Variants in DNAH3 observed in about 807,000 individuals in gnomAD.
The protein encoded by DNAH3 is dynein axonemal heavy chain 3.
A neutral mutation model predicts 432.5 loss-of-function variants in DNAH3; 332 were observed. The observed-to-expected ratio is 0.77, with a 90% CI of 0.70 to 0.84. The LOEUF (loss-of-function observed/expected upper bound fraction) is 0.84. Ranked by LOEUF, DNAH3 falls within the 40% of genes least tolerant of loss-of-function variation. The pLI is 0.00. For missense variants in DNAH3, 4,861 were observed against 5,114.0 expected, an observed-to-expected ratio of 0.95 and a Z score of 1.51; for synonymous variants, 1,956 against 1,900.2, an observed-to-expected ratio of 1.03 and a Z score of -0.76.
At chr16:20,952,487 T>A (rs747008999) in exon 56 of DNAH3, 1 of 1,613,636 alleles carries the variant, frequency 6.2e-7, no homozygotes, top group South Asian at 1.1e-5. Flanking sequence ...TTGAGAAACA[T>A]CTGGATCTGC....
chr16:21,054,454 G>A (rs1357766621), exon 28 of DNAH3: 1 of 1,614,198 alleles, frequency 6.2e-7, no homozygotes, highest in Non-Finnish European at 8.5e-7. Context: ...CCCCGAGAGT[G>A]AGTCGAGCTC....
At chr16:20,941,405 T>G (rs1353662103) in exon 59 of DNAH3, 1 of 1,613,976 alleles carries the variant, frequency 6.2e-7, no homozygotes, top group South Asian at 1.1e-5. Flanking sequence ...GCCCACCTGT[T>G]GAATCTGATG....
intron 1 of DNAH3, 51 bp from the exon 3 acceptor site, chr16:21,146,139 A>G (rs1458888959): frequency 7.4e-7 from 1 of 1,351,750 alleles, no homozygotes; most frequent in Admixed American, 1.7e-5. Flanking sequence ...GAAGATTTGC[A>G]AGCCTCTGAG....
intron 12 of DNAH3, among the ~76,000 whole-genome samples, chr16:21,114,031 G>A (rs2092131923): frequency 6.6e-6 from 1 of 151,928 alleles, no homozygotes; most frequent in Non-Finnish European, 1.5e-5. Context: ...TTATAAATTA[G>A]GCACAGCAAA....
At chr16:20,988,441 G>A (rs988631814) in intron 44 of DNAH3, among the ~76,000 whole-genome samples, 2 of 152,032 alleles carry the variant, frequency 1.3e-5, no homozygotes, top group African/African-American at 4.8e-5. Flanking sequence ...TTGAGATGGA[G>A]TTCCCCTCTG....
chr16:21,034,443 G>C (rs1287638222), intron 35 of DNAH3, among the ~76,000 whole-genome samples: 4 of 152,208 alleles, frequency 2.6e-5, no homozygotes, highest in Non-Finnish European at 5.9e-5. Context: ...AAGTTCATCA[G>C]TGATGGAGCC....
intron 54 of DNAH3, among the ~76,000 whole-genome samples, chr16:20,958,446 G>A (rs535633474): frequency 4.6e-5 from 7 of 151,990 alleles, no homozygotes; most frequent in Non-Finnish European, 1.0e-4. Context: ...TTCCAGCTAC[G>A]TCTCCTATTA....
At chr16:20,960,636 C>T (rs1047606361) in intron 53 of DNAH3, among the ~76,000 whole-genome samples, 36 of 152,184 alleles carry the variant, frequency 2.4e-4, no homozygotes, top group Middle Eastern at 3.4e-3. Context: ...TGGGAAGAGG[C>T]GGAGGTTGCA....
chr16:21,036,730 A>G (rs750015483), exon 35 of DNAH3: 1 of 1,614,036 alleles, frequency 6.2e-7, no homozygotes, highest in Admixed American at 1.7e-5. Context: ...AATTTTCCCT[A>G]TAAACCAAGG....
In DNAH3 at chr16:21,013,478, T is replaced by C. The variant is rs1475871990; in HGVS notation, c.6022+6146A>G. Reference sequence around the variant, plus strand: ...GCTCACACCTGTAATTCCAGCACTTTGGGAGGCCAAAGCAGGCAGATCACC... The same window carrying C: ...GCTCACACCTGTAATTCCAGCACTTCGGGAGGCCAAAGCAGGCAGATCACC... On this transcript the variant is annotated intron_variant, in intron 41 of 61. Coordinates refer to ENST00000261383, the Ensembl canonical transcript of DNAH3. Among the ~76,000 whole-genome samples, 5 of 152,236 alleles carry C rather than the reference T, an allele frequency of 3.3e-5. No homozygotes were observed. In the East Asian group the frequency reaches 9.7e-4, roughly 29 times the overall value.
intron 12 of DNAH3, among the ~76,000 whole-genome samples, chr16:21,114,815 T>C (rs13339186): frequency 0.18 from 27,522 of 152,100 alleles, 2,701 homozygotes; most frequent in South Asian, 0.24. Flanking sequence ...AGTTCAACCA[T>C]TGTGGAAGAC....
At chr16:21,118,129 A>C (rs932697727) in intron 11 of DNAH3, among the ~76,000 whole-genome samples, 10 of 151,906 alleles carry the variant, frequency 6.6e-5, no homozygotes. Flanking sequence ...CTGGGATTAC[A>C]GGCATGCACC....
intron 8 of DNAH3, 34 bp from the exon 10 acceptor site, chr16:21,125,404 T>G (rs1045950186): frequency 1.8e-5 from 28 of 1,519,020 alleles, no homozygotes; most frequent in Non-Finnish European, 2.5e-5. Context: ...TGTGAGAAGC[T>G]CTTCTGGGCT....
At chr16:21,141,491 C>T (rs1257444017) in intron 3 of DNAH3, 119 bp from the exon 5 acceptor site, 22 of 684,290 alleles carry the variant, frequency 3.2e-5, no homozygotes, top group Non-Finnish European at 4.4e-5. Flanking sequence ...GGACATGGTA[C>T]GGTGTGACGT....
intron 16 of DNAH3, among the ~76,000 whole-genome samples, chr16:21,099,951 G>A (rs1195501301): frequency 1.6e-4 from 25 of 152,080 alleles, no homozygotes; most frequent in Admixed American, 1.6e-3. Context: ...AACAAATAAG[G>A]GAACTTGTCA....
At chr16:21,137,722 T>C (rs894598071) in intron 5 of DNAH3, among the ~76,000 whole-genome samples, 21 of 152,022 alleles carry the variant, frequency 1.4e-4, no homozygotes, top group Non-Finnish European at 2.6e-4. Flanking sequence ...CACACCCAGC[T>C]GATAGTTCTT....
chr16:21,034,108 AAAG>A (rs1357262173), intron 35 of DNAH3, 23 bp from the exon 36 acceptor site: 1 of 1,521,180 alleles, frequency 6.6e-7, no homozygotes, highest in African/African-American at 1.4e-5. Flanking sequence ...ATCATTCATA[AAAG>A]AAGCTAATCA....
At position 21,136,532 on chromosome 16, in the gene DNAH3, C is replaced by T. The variant is rs776366556; in HGVS notation, c.697-19G>A. 3 of 1,612,532 alleles carry T rather than the reference C, an allele frequency of 1.9e-6. No homozygotes were observed. Among genetic ancestry groups the T allele is most frequent in the Non-Finnish European group, 2.5e-6 (3 of 1,178,612 alleles). On this transcript the variant is annotated intron_variant, in intron 5 of 61. Transcript: ENST00000261383. ...AGTATCTCTTCCATAAACAAACCAC[C>T]AGCGAGAAAATGGTCATGATTGGAT...
At chr16:21,069,590 C>G in exon 23 of DNAH3, 1 of 1,610,570 alleles carries the variant, frequency 6.2e-7, no homozygotes, top group East Asian at 2.2e-5. Context: ...CTTTTCTTCC[C>G]ATTTCTGTGA....
Sources: gnomAD v4.1 joint callset for allele counts (sites outside exome capture counted in the v4.1 genomes callset) on GRCh38, gnomAD v4.1.1 for gene constraint, MANE v1.5 for transcripts, NCBI Gene and HGNC (gene_info 2026-07-23, HGNC 2026-07-21) for gene names.